NR1H3: variants seen among roughly 807,000 people sequenced by gnomAD.
NR1H3 encodes nuclear receptor subfamily 1 group H member 3.
In NR1H3, 19 loss-of-function variants were observed where a neutral mutation model predicts 48.1. The ratio of observed to expected loss-of-function variants is 0.40; its 90% confidence interval spans 0.28 to 0.58. The LOEUF (loss-of-function observed/expected upper bound fraction) is 0.58, where lower values mean the gene tolerates loss of function less well. NR1H3 is among the 20% of genes least tolerant of loss of function. The probability of loss-of-function intolerance (pLI) is 0.50; values close to 1 mark genes in which losing one functional copy is unlikely to be tolerated. For missense variants in NR1H3, 486 were observed against 595.9 expected (o/e 0.82, Z 1.92); for synonymous variants, 232 against 227.3 (o/e 1.02, Z -0.19).
chr11:47,268,414 A>G, intron 9 of NR1H3, 59 bp downstream of exon 9: 1 of 1,591,802 alleles, frequency 6.3e-7, no homozygotes, highest in Non-Finnish European at 8.6e-7. Context: ...ATTCCCTGAC[A>G]TACCTACTTT....
rs747487151 is a variant in NR1H3, at chr11:47,268,678, C to T, written c.1326C>T (p.Ile442=). 6.2e-7 allele frequency: 1 copy of T among 1,614,170 alleles called. No homozygotes were observed. Among genetic ancestry groups the T allele is most frequent in the Admixed American group, 1.7e-5 (1 of 60,024 alleles). Residue 442 remains isoleucine, a synonymous_variant, in exon 10 of 10, where the codon ATC becomes ATT. Coordinates refer to ENST00000441012, the MANE Select transcript of NR1H3 (RefSeq NM_005693.4). Reference sequence around the variant, plus strand: ...AGCTCCCACCGCTGCTCTCTGAGATCTGGGATGTGCACGAATGACTGTTCT... The same window carrying T: ...AGCTCCCACCGCTGCTCTCTGAGATTTGGGATGTGCACGAATGACTGTTCT... The part of the protein sequence containing the change: ...DKKLPPLLSE[I]WDVHE
Position 47,259,874 on chromosome 11 carries a change from G to T in NR1H3, c.127G>T (p.Glu43Ter). Reference sequence around the variant, plus strand: ...AGGCAGCAGCTGCATCCTCAGAGAGGAAGCCAGGATGCCCCACTCTGCTGG... The same window carrying T: ...AGGCAGCAGCTGCATCCTCAGAGAGTAAGCCAGGATGCCCCACTCTGCTGG... ...QGGSSCILRE[E>*]ARMPHSAGGT... The change falls in exon 3 of 10, where the codon GAA becomes TAA. Residue 43 changes from glutamate to a stop codon, truncating the protein, a stop_gained. Coordinates refer to ENST00000441012, the MANE Select transcript of NR1H3 (RefSeq NM_005693.4). LOFTEE classifies it high-confidence loss of function. 1 of 1,613,018 alleles carries T rather than the reference G, an allele frequency of 6.2e-7. No individual in the cohort carries two copies. Among genetic ancestry groups the T allele is most frequent in the Non-Finnish European group, 8.5e-7 (1 of 1,179,954 alleles).
upstream of NR1H3, chr11:47,257,880 G>A: frequency 1.0e-6 from 1 of 985,510 alleles, no homozygotes. Flanking sequence ...CTGCCCTGTG[G>A]GCGGGGGTGA....
At chr11:47,263,267 C>T (rs1591140692) in intron 7 of NR1H3, among the ~76,000 whole-genome samples, 1 of 141,916 alleles carries the variant, frequency 7.0e-6, no homozygotes, top group Non-Finnish European at 1.5e-5. Flanking sequence ...ATTTCCCCTA[C>T]TTTTTTTTTT....
intron 1 of NR1H3, among the ~76,000 whole-genome samples, chr11:47,252,643 G>A (rs1339800795): frequency 1.3e-5 from 2 of 150,952 alleles, no homozygotes; most frequent in African/African-American, 2.4e-5. Context: ...GCACAGTCTC[G>A]GCTCACTGCA....
chr11:47,263,537 A>G (rs976428427), intron 7 of NR1H3, among the ~76,000 whole-genome samples: 3 of 150,376 alleles, frequency 2.0e-5, no homozygotes, highest in East Asian at 2.0e-4. Flanking sequence ...CGGCCTCCCA[A>G]TGTGCTGGGA....
chr11:47,259,642 C>T, intron 2 of NR1H3, 149 bp from the exon 3 acceptor site: 2 of 1,485,056 alleles, frequency 1.3e-6, no homozygotes, highest in Non-Finnish European at 1.8e-6. Context: ...TAGCTAGAGC[C>T]CACACAGACT....
intron 1 of NR1H3, among the ~76,000 whole-genome samples, chr11:47,251,488 T>C (rs991043497): frequency 6.6e-6 from 1 of 151,602 alleles, no homozygotes; most frequent in African/African-American, 2.4e-5. Context: ...GGCGTGTGCC[T>C]GTAATCCCAG....
intron 7 of NR1H3, among the ~76,000 whole-genome samples, chr11:47,262,272 G>T (rs1173170633): frequency 6.6e-6 from 1 of 151,868 alleles, no homozygotes; most frequent in African/African-American, 2.4e-5. Flanking sequence ...CCAGCTACTT[G>T]GGAGATCGAG....
intron 1 of NR1H3, among the ~76,000 whole-genome samples, chr11:47,249,590 A>G (rs1007979964): frequency 6.6e-6 from 1 of 152,200 alleles, no homozygotes; most frequent in South Asian, 2.1e-4. Context: ...GGTAAGGGAC[A>G]GGCGCATATC....
intron 1 of NR1H3, among the ~76,000 whole-genome samples, chr11:47,250,000 T>A (rs991369049): frequency 2.6e-5 from 4 of 152,024 alleles, no homozygotes; most frequent in African/African-American, 9.7e-5. Flanking sequence ...CTCTGGAGGC[T>A]GAGGCAGGAG....
At chr11:47,266,733 C>G (rs927939215) in intron 7 of NR1H3, among the ~76,000 whole-genome samples, 2 of 151,702 alleles carry the variant, frequency 1.3e-5, no homozygotes, top group African/African-American at 4.8e-5. Context: ...CCTCCGCCTC[C>G]CAGATTCAAG....
At chr11:47,268,390 CCA>C in intron 9 of NR1H3, 35 bp downstream of exon 9, 1 of 1,604,296 alleles carries the variant, frequency 6.2e-7, no homozygotes, top group Non-Finnish European at 8.5e-7. Flanking sequence ...TTCCTCCTTC[CCA>C]CACACAGGCC....
rs376720711 is a variant in NR1H3, at chr11:47,268,530, T to C, written c.1198-20T>C. 2.7e-5 allele frequency: 44 copies of C among 1,614,004 alleles called. No homozygotes were observed. In the Middle Eastern group the frequency reaches 8.2e-4, roughly 30 times the overall value. ...CCTGGGGACAGGCAAAAGCTGTGTT[T>C]GTCTCTCTCCTTTCCCCAGGACCGA... On this transcript the variant is annotated intron_variant, in intron 9 of 9. Transcript: ENST00000441012.
chr11:47,255,609 C>G (rs1166261562), upstream of NR1H3, among the ~76,000 whole-genome samples: 43 of 124,862 alleles, frequency 3.4e-4, no homozygotes, highest in Non-Finnish European at 6.5e-4. Flanking sequence ...CTCTCTCTCT[C>G]TCTCTCTCTT....
chr11:47,259,791 A>C lies in NR1H3; in HGVS notation c.44A>C (p.Asp15Ala). 6.2e-7 allele frequency: 1 copy of C among 1,611,592 alleles called. No individual in the cohort carries two copies. The highest frequency in any genetic ancestry group is 8.5e-7 in the Non-Finnish European group (1 of 1,179,758). ...LGAPVPDIPPDSAVELWKPGA... is the reference protein window; with the variant it reads ...LGAPVPDIPPASAVELWKPGA... ...CTTGTGCCTCTCTTTTGGAGCTCAG[A>C]CTCTGCGGTGGAGCTGTGGAAGCCA... is the stretch of plus-strand genomic sequence containing the variant. Residue 15 changes from aspartate to alanine, a missense_variant and splice_region_variant, in exon 3 of 10, where the codon GAC becomes GCC. Coordinates refer to ENST00000441012, the MANE Select transcript of NR1H3 (RefSeq NM_005693.4).
rs757950173 is a variant in NR1H3, at chr11:47,261,395, C to T, written c.654C>T (p.Val218=). The change falls in exon 5 of 10, where the codon GTC becomes GTT. Residue 218 remains valine, a synonymous_variant. Coordinates refer to ENST00000441012, the MANE Select transcript of NR1H3 (RefSeq NM_005693.4). ...PEQLGMIEKL[V]AAQQQCNRRS... is the part of the protein sequence containing the mutation. ...AACTGGGCATGATCGAGAAGCTCGT[C>T]GCTGCCCAGCAACAGTGTAACCGGC... 15 of 1,614,042 alleles carry T rather than the reference C, an allele frequency of 9.3e-6. No homozygotes were observed. The highest frequency in any genetic ancestry group is 1.3e-5 in the African/African-American group (1 of 74,918).
Position 47,259,896 on chromosome 11 carries a change from C to G in NR1H3, c.149C>G (p.Ala50Gly). 1 of 1,612,358 alleles carries G rather than the reference C, an allele frequency of 6.2e-7. No individual in the cohort carries two copies. The highest frequency in any genetic ancestry group is 8.5e-7 in the Non-Finnish European group (1 of 1,179,430). The part of the protein sequence containing the change: ...LREEARMPHS[A>G]GGTAGVGLEA... Reference sequence around the variant, plus strand: ...GAGGAAGCCAGGATGCCCCACTCTGCTGGGGGTACTGCAGGGGTGGGGCTG... The same window carrying G: ...GAGGAAGCCAGGATGCCCCACTCTGGTGGGGGTACTGCAGGGGTGGGGCTG... Residue 50 changes from alanine to glycine, a missense_variant, in exon 3 of 10, where the codon GCT becomes GGT. Physicochemically the swap from Ala to Gly is moderately conservative, Grantham distance 60. Transcript: ENST00000441012.
At chr11:47,257,832 G>T, upstream of NR1H3, 1 of 976,472 alleles carries the variant, frequency 1.0e-6, no homozygotes, top group South Asian at 4.7e-5. Context: ...GCGGGAGAGG[G>T]GGTGGCCGGC....
Sources: gnomAD v4.1 joint callset for allele counts (sites outside exome capture counted in the v4.1 genomes callset) on GRCh38, gnomAD v4.1.1 for gene constraint, MANE v1.5 for transcripts, NCBI Gene and HGNC (gene_info 2026-07-23, HGNC 2026-07-21) for gene names.